The following NFX1 variants were observed in gnomAD, a reference collection of about 807,000 sequenced individuals.
The protein encoded by NFX1 is transcriptional repressor NF-X1.
In NFX1, 69 loss-of-function variants were observed where a neutral mutation model predicts 137.2. That is an observed-to-expected ratio of 0.50 (90% confidence interval 0.41 to 0.61). The LOEUF is 0.61. Among genes scored for constraint, NFX1 ranks in the 20% least tolerant of loss-of-function variants. The pLI is 0.00. For synonymous variants in NFX1, 495 were observed against 474.1 expected (o/e 1.04, Z -0.57); for missense variants, 1,167 against 1,391.0 (o/e 0.84, Z 2.56).
In NFX1 at chr9:33,290,564, C is replaced by T. The variant is rs1821117814; in HGVS notation, c.-9C>T. On this transcript the variant is annotated 5_prime_UTR_variant, in exon 1 of 24. Transcript: ENST00000379540. ...GCTGTACAGCTCGATCTAGGTTCTG[C>T]GGCACGGGATGGCGGAGGCGCCTCC... The T allele has an allele frequency of 6.2e-7, 1 of 1,613,954 alleles. No homozygotes were observed. Among genetic ancestry groups the T allele is most frequent in the Non-Finnish European group, 8.5e-7 (1 of 1,179,962 alleles).
intron 15 of NFX1, among the ~76,000 whole-genome samples, chr9:33,350,033 G>T (rs1435563846): frequency 6.6e-6 from 1 of 152,056 alleles, no homozygotes; most frequent in African/African-American, 2.4e-5. Flanking sequence ...GCCAGGCGTG[G>T]TTTCTCATGC....
At chr9:33,306,013 G>A (rs1030463031) in intron 4 of NFX1, among the ~76,000 whole-genome samples, 1 of 152,156 alleles carries the variant, frequency 6.6e-6, no homozygotes, top group Non-Finnish European at 1.5e-5. Flanking sequence ...AACATCATTT[G>A]GAGTCAGGGA....
intron 7 of NFX1, among the ~76,000 whole-genome samples, chr9:33,318,104 G>A (rs1971352): frequency 0.058 from 8,573 of 148,166 alleles, 755 homozygotes; most frequent in African/African-American, 0.19. Flanking sequence ...TATTTTTATT[G>A]TATATGTGAT....
chr9:33,307,361 G>A (rs1821789744), intron 5 of NFX1, 62 bp downstream of exon 5: 3 of 1,374,628 alleles, frequency 2.2e-6, no homozygotes, highest in Admixed American at 3.4e-5. Flanking sequence ...GTGGCTCTAA[G>A]TAAACATACC....
In NFX1 at chr9:33,290,793, C is replaced by T. The variant is rs1475168618; in HGVS notation, c.25+196C>T. Among the ~76,000 whole-genome samples the T allele has an allele frequency of 2.0e-5, 3 of 152,226 alleles. No individual in the cohort carries two copies. The East Asian group carries it at 5.8e-4, about 29-fold the overall frequency. On this transcript the variant is annotated intron_variant, in intron 1 of 23. Coordinates refer to ENST00000379540, the MANE Select transcript of NFX1 (RefSeq NM_002504.6). ...TCTTCTTGGACTAGATGGTGAAGCC[C>T]AGTAGCTGGGTTTCGGAGGAGAGAG...
intron 11 of NFX1, among the ~76,000 whole-genome samples, chr9:33,338,192 TA>T: frequency 6.6e-6 from 1 of 151,650 alleles, no homozygotes; most frequent in Non-Finnish European, 1.5e-5. Flanking sequence ...CTGCCTCTAC[TA>T]AAAATACAAA....
intron 19 of NFX1, among the ~76,000 whole-genome samples, chr9:33,359,841 ATAT>A (rs1269125596): frequency 4.6e-5 from 7 of 152,230 alleles, no homozygotes. Flanking sequence ...GTTTATGGTA[ATAT>A]TCTCATAACT....
At chr9:33,293,781 A>G (rs1418816478) in intron 1 of NFX1, among the ~76,000 whole-genome samples, 1 of 152,242 alleles carries the variant, frequency 6.6e-6, no homozygotes, top group Non-Finnish European at 1.5e-5. Flanking sequence ...AGACCAGATT[A>G]TAGAGGTTAT....
chr9:33,364,964 C>G lies in NFX1; in HGVS notation c.3039+190C>G. On this transcript the variant is annotated intron_variant, in intron 21 of 23. Coordinates refer to ENST00000379540, the MANE Select transcript of NFX1 (RefSeq NM_002504.6). ...TGTGGAAGCCTGTCCTGGTTCAGGA[C>G]AGTTGACTGCAGAAAAGATCTACAG... The G allele has an allele frequency of 2.9e-6, 4 of 1,397,068 alleles. No individual in the cohort carries two copies. In the South Asian group the frequency reaches 4.6e-5, roughly 16 times the overall value. 86.5% of individuals were successfully genotyped at this position (1,397,068 alleles called of 1,614,324 possible). A position where few individuals can be genotyped will look rare whatever the true frequency, so the allele number is the denominator to read the frequency against.
At chr9:33,344,234 C>A in intron 14 of NFX1, 46 bp downstream of exon 14, 1 of 1,610,294 alleles carries the variant, frequency 6.2e-7, no homozygotes, top group South Asian at 1.1e-5. Context: ...CACACCATGT[C>A]ATTTAGGATC....
intron 4 of NFX1, among the ~76,000 whole-genome samples, chr9:33,304,072 G>A (rs1396336942): frequency 6.6e-6 from 1 of 152,172 alleles, no homozygotes; most frequent in East Asian, 1.9e-4. Context: ...TTCGACACCA[G>A]CCTGGCCAAC....
At chr9:33,315,189 C>A (rs1432685119) in intron 7 of NFX1, among the ~76,000 whole-genome samples, 1 of 149,470 alleles carries the variant, frequency 6.7e-6, no homozygotes, top group Non-Finnish European at 1.5e-5. Context: ...CGTGCCATTG[C>A]ACTCCAGCCT....
intron 12 of NFX1, 152 bp downstream of exon 12, chr9:33,338,741 C>T (rs190319746): frequency 1.2e-5 from 8 of 653,696 alleles, no homozygotes; most frequent in African/African-American, 1.1e-4. Flanking sequence ...TCCCCATAAC[C>T]TCTCTGCAAA....
chr9:33,295,011 A>C lies in NFX1; in HGVS notation c.617A>C (p.Glu206Ala). Reference protein sequence around the residue: ...TTPKPEDAGPESTKPVGVFHP... With the variant: ...TTPKPEDAGPASTKPVGVFHP... ...CCAAAACCGGAGGATGCTGGACCCGAAAGTACCAAACCTGTGGGGGTTTTC... is the reference window on the plus strand; with the variant it reads ...CCAAAACCGGAGGATGCTGGACCCGCAAGTACCAAACCTGTGGGGGTTTTC... The change falls in exon 2 of 24, where the codon GAA (glutamate) becomes GCA (alanine). Residue 206 changes from glutamate (E) to alanine (A), a missense_variant. Physicochemically the swap from Glu to Ala is moderately radical, Grantham distance 107 (BLOSUM62 -1). Coordinates refer to ENST00000379540, the MANE Select transcript of NFX1 (RefSeq NM_002504.6). 3 of 1,614,220 alleles carry C rather than the reference A, an allele frequency of 1.9e-6. No individual in the cohort carries two copies. The highest frequency in any genetic ancestry group is 2.5e-6 in the Non-Finnish European group (3 of 1,180,044).
At chr9:33,350,080 G>A (rs953383145) in intron 15 of NFX1, among the ~76,000 whole-genome samples, 1 of 152,076 alleles carries the variant, frequency 6.6e-6, no homozygotes, top group African/African-American at 2.4e-5. Context: ...GAGGCAAGTG[G>A]ATCACCTGAG....
chr9:33,292,726 G>C (rs563242274), intron 1 of NFX1, among the ~76,000 whole-genome samples: 2 of 152,186 alleles, frequency 1.3e-5, no homozygotes, highest in South Asian at 2.1e-4. Context: ...GCCTTCTCTG[G>C]ATTCTCTAGT....
intron 7 of NFX1, among the ~76,000 whole-genome samples, chr9:33,317,419 C>CAAAAAAAA (rs761378780): frequency 3.7e-5 from 2 of 54,300 alleles, no homozygotes; most frequent in Non-Finnish European, 7.7e-5. Flanking sequence ...GCCCTGTCTC[C>CAAAAAAAA]AAAAAAAAAA....
intron 5 of NFX1, among the ~76,000 whole-genome samples, chr9:33,309,213 C>T (rs370780333): frequency 1.3e-5 from 2 of 151,934 alleles, no homozygotes; most frequent in African/African-American, 2.4e-5. Context: ...AAAAATTAGC[C>T]GGGTGTGGTG....
chr9:33,290,598 G>A lies in NFX1; in HGVS notation c.25+1G>A. 1.9e-6 allele frequency: 3 copies of A among 1,613,654 alleles called. No homozygotes were observed. The highest frequency in any genetic ancestry group is 1.1e-5 in the South Asian group (1 of 91,062). On this transcript the variant is annotated splice_donor_variant, in intron 1 of 23. Coordinates refer to ENST00000379540, the MANE Select transcript of NFX1 (RefSeq NM_002504.6). LOFTEE classifies it high-confidence loss of function. ...ATGGCGGAGGCGCCTCCTGTCTCAG[G>A]TATTGTCCCGGCCCGAGCGGGACTG...
Sources: gnomAD v4.1 joint callset for allele counts (sites outside exome capture counted in the v4.1 genomes callset) on GRCh38, gnomAD v4.1.1 for gene constraint, MANE v1.5 for transcripts, NCBI Gene and HGNC (gene_info 2026-07-23, HGNC 2026-07-21) for gene names.